The following PLS1 variants were observed in gnomAD, a reference collection of about 807,000 sequenced individuals.
The protein encoded by PLS1 is plastin 1.
PLS1 carries 32 observed loss-of-function variants against 73.7 expected under a neutral mutation model. The ratio of observed to expected loss-of-function variants is 0.43; its 90% CI spans 0.33 to 0.58. The LOEUF is 0.58. Among genes scored for constraint, PLS1 ranks in the 20% least tolerant of loss-of-function variants. The probability of loss-of-function intolerance (pLI) is 0.04; values close to 1 mark genes in which losing one functional copy is unlikely to be tolerated. For synonymous variants in PLS1, 217 were observed against 261.3 expected, an observed-to-expected ratio of 0.83 and a Z score of 1.63; for missense variants, 633 against 740.5, an observed-to-expected ratio of 0.85 and a Z score of 1.68.
chr3:142,654,352 T>A (rs1246216178), intron 1 of PLS1, among the ~76,000 whole-genome samples: 1 of 152,210 alleles, frequency 6.6e-6, no homozygotes, highest in African/African-American at 2.4e-5. Flanking sequence ...TTACAAATAC[T>A]ATTATTTTTT....
intron 14 of PLS1, among the ~76,000 whole-genome samples, chr3:142,710,764 C>T (rs1295837944): frequency 6.6e-6 from 1 of 152,112 alleles, no homozygotes; most frequent in Non-Finnish European, 1.5e-5. Context: ...TGTTCAAGTA[C>T]TGATAAGTGG....
intron 6 of PLS1, among the ~76,000 whole-genome samples, chr3:142,682,136 A>AG (rs1220562291): frequency 6.6e-6 from 1 of 152,120 alleles, no homozygotes; most frequent in East Asian, 1.9e-4. Flanking sequence ...TCAATATGAG[A>AG]GGGGGCAAGA....
At chr3:142,643,598 A>G (rs1471366158) in intron 1 of PLS1, among the ~76,000 whole-genome samples, 2 of 152,210 alleles carry the variant, frequency 1.3e-5, no homozygotes, top group Non-Finnish European at 2.9e-5. Context: ...TTTTCCTCTT[A>G]TATAAGTTCT....
chr3:142,672,075 A>C (rs900802563), intron 4 of PLS1, among the ~76,000 whole-genome samples: 1 of 152,168 alleles, frequency 6.6e-6, no homozygotes, highest in South Asian at 2.1e-4. Context: ...ACAAAAAAAA[A>C]TTATTAAGGT....
chr3:142,683,269 C>T (rs147909358), intron 6 of PLS1, among the ~76,000 whole-genome samples: 2 of 152,280 alleles, frequency 1.3e-5, no homozygotes, highest in Non-Finnish European at 2.9e-5. Flanking sequence ...CTTTGGGAGG[C>T]CGAGGCGGGC....
intron 1 of PLS1, among the ~76,000 whole-genome samples, chr3:142,617,680 A>G (rs1018644834): frequency 1.3e-5 from 2 of 152,168 alleles, no homozygotes; most frequent in Non-Finnish European, 2.9e-5. Flanking sequence ...ATGATTAATG[A>G]AAAACTACTA....
At chr3:142,618,277 G>A (rs967488677) in intron 1 of PLS1, among the ~76,000 whole-genome samples, 1 of 152,096 alleles carries the variant, frequency 6.6e-6, no homozygotes, top group Non-Finnish European at 1.5e-5. Flanking sequence ...CCACCCTGCT[G>A]CATCTCCCAA....
chr3:142,712,181 G>A lies in PLS1; in HGVS notation c.*174G>A. 3.9e-6 allele frequency: 2 copies of A among 510,036 alleles called. No homozygotes were observed. The highest frequency in any genetic ancestry group is 6.8e-6 in the Non-Finnish European group (2 of 294,032). 31.6% of individuals were successfully genotyped at this position (510,036 alleles called of 1,614,324 possible). A position where few individuals can be genotyped will look rare whatever the true frequency, so the allele number is the denominator to read the frequency against. On this transcript the variant is annotated 3_prime_UTR_variant, in exon 16 of 16. Coordinates refer to ENST00000457734, the MANE Select transcript of PLS1 (RefSeq NM_001145319.2). ...TAGTTAGAGCTGGTCAGCCTTTTTG[G>A]GTAACACAGTTAATTTACCAACTGA...
intron 1 of PLS1, among the ~76,000 whole-genome samples, chr3:142,601,019 G>C (rs1198463871): frequency 1.4e-5 from 2 of 137,972 alleles, no homozygotes; most frequent in Non-Finnish European, 3.1e-5. Flanking sequence ...CGCCTCCCGG[G>C]TTCACGCCAT....
At chr3:142,623,563 G>A (rs2036358060) in intron 1 of PLS1, 1 of 152,130 alleles carries the variant, frequency 6.6e-6, no homozygotes, top group Non-Finnish European at 1.5e-5. Flanking sequence ...GCAGAAGCAG[G>A]TATACAAAAA....
chr3:142,623,095 AT>A (rs1287234236), intron 1 of PLS1, among the ~76,000 whole-genome samples: 1 of 152,150 alleles, frequency 6.6e-6, no homozygotes, highest in Non-Finnish European at 1.5e-5. Flanking sequence ...AGTAGCTGAG[AT>A]TATAAGCACA....
chr3:142,603,782 A>AG (rs1262891986), intron 1 of PLS1, among the ~76,000 whole-genome samples: 8 of 151,892 alleles, frequency 5.3e-5, no homozygotes, highest in African/African-American at 1.9e-4. Context: ...AAAAAAAAAA[A>AG]AATACCTACA....
chr3:142,693,969 T>G (rs780530858), intron 10 of PLS1, among the ~76,000 whole-genome samples: 6 of 152,146 alleles, frequency 3.9e-5, no homozygotes, highest in Non-Finnish European at 8.8e-5. Context: ...CCCTCTGCCC[T>G]TCATTGTGTG....
intron 4 of PLS1, 115 bp downstream of exon 4, chr3:142,671,237 C>G: frequency 1.1e-6 from 1 of 900,818 alleles, no homozygotes; most frequent in Non-Finnish European, 1.8e-6. Flanking sequence ...TTATGTGCCA[C>G]TGAGGAGAAA....
Position 142,684,237 on chromosome 3 carries a change from G to C in PLS1, c.746-16G>C, listed in dbSNP as rs576883871. ...TTGCTATGGGAAGAATTTACATTTC[G>C]CTGTTTTGCCCTCAGCTCTGATTGC... On this transcript the variant is annotated splice_polypyrimidine_tract_variant and intron_variant, in intron 7 of 15. Transcript: ENST00000457734. 5.6e-6 allele frequency: 9 copies of C among 1,613,798 alleles called. No individual in the cohort carries two copies. The highest frequency in any genetic ancestry group is 7.6e-6 in the Non-Finnish European group (9 of 1,179,872).
intron 12 of PLS1, among the ~76,000 whole-genome samples, chr3:142,702,727 A>T (rs2038356182): frequency 6.6e-6 from 1 of 152,084 alleles, no homozygotes; most frequent in Middle Eastern, 3.2e-3. Context: ...CAGGATAGAT[A>T]AAAAAAATTA....
At position 142,689,671 on chromosome 3, in the gene PLS1, G is replaced by A; in HGVS notation, c.1035G>A (p.Leu345=). The A allele has an allele frequency of 6.2e-7, 1 of 1,611,284 alleles. No individual in the cohort carries two copies. The highest frequency in any genetic ancestry group is 1.7e-4 in the Middle Eastern group (1 of 6,042). ...AGLMLQEADK[L]GCKQFVTPAD... is the part of the protein sequence containing the mutation. The stretch of plus-strand genomic sequence containing the variant: ...TCATGCTTCAAGAAGCAGATAAACT[G>A]GGCTGCAAACAGTTTGTTACTCCTG... Residue 345 remains leucine, a synonymous_variant, in exon 10 of 16, where the codon CTG becomes CTA. Coordinates refer to ENST00000457734, the MANE Select transcript of PLS1 (RefSeq NM_001145319.2).
chr3:142,694,688 G>A, intron 11 of PLS1, 141 bp downstream of exon 11: 1 of 535,156 alleles, frequency 1.9e-6, no homozygotes. Context: ...CTGGGAATTG[G>A]CAATACAATG....
intron 1 of PLS1, among the ~76,000 whole-genome samples, chr3:142,648,375 AG>A (rs2037005354): frequency 6.6e-6 from 1 of 152,154 alleles, no homozygotes; most frequent in South Asian, 2.1e-4. Flanking sequence ...CTATAGGTAA[AG>A]GTTTAACTAA....
Sources: gnomAD v4.1 joint callset for allele counts (sites outside exome capture counted in the v4.1 genomes callset) on GRCh38, gnomAD v4.1.1 for gene constraint, MANE v1.5 for transcripts, NCBI Gene and HGNC (gene_info 2026-07-23, HGNC 2026-07-21) for gene names.